EPHB2: variants seen among roughly 807,000 people sequenced by gnomAD.
EPHB2 encodes ephrin type-B receptor 2.
A neutral mutation model predicts 96.4 loss-of-function variants in EPHB2; 18 were observed. The ratio of observed to expected loss-of-function variants is 0.19; its 90% confidence interval spans 0.13 to 0.28. The LOEUF is 0.28. Among genes scored for constraint, EPHB2 ranks in the 10% least tolerant of loss-of-function variants. The pLI is 1.00. For missense variants in EPHB2, 989 were observed against 1,355.4 expected, an observed-to-expected ratio of 0.73 and a Z score of 4.25; for synonymous variants, 506 against 534.1, an observed-to-expected ratio of 0.95 and a Z score of 0.72.
At position 22,801,790 on chromosome 1, in the gene EPHB2, G is replaced by A. The variant is rs1273800745; in HGVS notation, c.811+16714G>A. 3.3e-5 allele frequency among the ~76,000 whole-genome samples: 5 copies of A among 152,062 alleles called. No individual in the cohort carries two copies. In the South Asian group the frequency reaches 6.2e-4, roughly 19 times the overall value. ...TCGTGGGGTCCCCTCCCGCCCCCTCGTGCTGCAGTCTTTGTGGCCCAGGAA... is the reference window on the plus strand; with the variant it reads ...TCGTGGGGTCCCCTCCCGCCCCCTCATGCTGCAGTCTTTGTGGCCCAGGAA... On this transcript the variant is annotated intron_variant, in intron 3 of 15. Transcript: ENST00000374630.
intron 3 of EPHB2, among the ~76,000 whole-genome samples, chr1:22,857,479 G>A (rs1474622514): frequency 6.6e-6 from 1 of 152,102 alleles, no homozygotes; most frequent in Non-Finnish European, 1.5e-5. Context: ...TGTCCAGGGA[G>A]CTGCAAGCAG....
intron 5 of EPHB2, among the ~76,000 whole-genome samples, chr1:22,871,293 C>T (rs1308672337): frequency 1.3e-5 from 2 of 152,208 alleles, no homozygotes; most frequent in African/African-American, 2.4e-5. Context: ...AGTCCATATG[C>T]TCCATCCATA....
At chr1:22,824,701 T>G (rs924890854) in intron 3 of EPHB2, among the ~76,000 whole-genome samples, 1 of 152,240 alleles carries the variant, frequency 6.6e-6, no homozygotes, top group East Asian at 1.9e-4. Flanking sequence ...AACAGCTAAT[T>G]AACATCTTGG....
intron 5 of EPHB2, among the ~76,000 whole-genome samples, chr1:22,878,863 A>G (rs1325552237): frequency 6.6e-6 from 1 of 152,206 alleles, no homozygotes; most frequent in Non-Finnish European, 1.5e-5. Context: ...GAGCGAGCAC[A>G]CCTGGCAGCA....
chr1:22,731,022 A>G (rs1643698214), intron 1 of EPHB2, among the ~76,000 whole-genome samples: 1 of 151,908 alleles, frequency 6.6e-6, no homozygotes, highest in African/African-American at 2.4e-5. Flanking sequence ...TGCCTCACAT[A>G]GTTTGGGGGA....
chr1:22,834,653 G>A (rs1018823311), intron 3 of EPHB2, among the ~76,000 whole-genome samples: 4 of 152,112 alleles, frequency 2.6e-5, no homozygotes, highest in Admixed American at 2.6e-4. Flanking sequence ...GGCCAGGCAC[G>A]GTGGCTCATG....
intron 1 of EPHB2, among the ~76,000 whole-genome samples, chr1:22,720,554 G>C (rs776288729): frequency 4.0e-5 from 6 of 151,782 alleles, no homozygotes; most frequent in Admixed American, 2.0e-4. Context: ...TGTTTAGTAG[G>C]GGGAGGAATT....
At chr1:22,724,475 A>G (rs1353931095) in intron 1 of EPHB2, among the ~76,000 whole-genome samples, 3 of 152,124 alleles carry the variant, frequency 2.0e-5, no homozygotes, top group Non-Finnish European at 1.5e-5. Flanking sequence ...TACTCCCCCT[A>G]TATTAGCTGC....
At position 22,879,250 on chromosome 1, in the gene EPHB2, G is replaced by A. The variant is rs578220343; in HGVS notation, c.1304-3109G>A. On this transcript the variant is annotated intron_variant, in intron 5 of 15. Transcript: ENST00000374630. ...AGTGGTCAGCCCCTGTGGGTTGGAT[G>A]AGAGGGGCAGAGAAGCTGTGGGGAG... Among the ~76,000 whole-genome samples, 183 of 152,324 alleles carry A rather than the reference G, an allele frequency of 1.2e-3. 3 individuals carry two copies. The South Asian group carries it at 0.037, about 31-fold the overall frequency.
rs16827692 is a variant in EPHB2 at position 22,869,840 on chromosome 1, T to A, written c.1303+4628T>A. Among the ~76,000 whole-genome samples, 1,147 of 152,348 alleles carry A rather than the reference T, an allele frequency of 7.5e-3. 14 individuals carry two copies. Among genetic ancestry groups the A allele is most frequent in the African/African-American group, 0.026 (1,074 of 41,576 alleles). On this transcript the variant is annotated intron_variant, in intron 5 of 15. Transcript: ENST00000374630. Reference sequence around the variant, plus strand: ...CTTCTAGTTCCCGTGGTTGAAATTTTACCTTGTGTCATTGATCATTTAGTT... The same window carrying A: ...CTTCTAGTTCCCGTGGTTGAAATTTAACCTTGTGTCATTGATCATTTAGTT...
chr1:22,760,654 G>A (rs954401294), intron 1 of EPHB2, among the ~76,000 whole-genome samples: 4 of 152,162 alleles, frequency 2.6e-5, no homozygotes, highest in Non-Finnish European at 4.4e-5. Flanking sequence ...GATATAACTC[G>A]GGGAGATGAG....
intron 3 of EPHB2, among the ~76,000 whole-genome samples, chr1:22,859,624 G>A (rs763923462): frequency 2.6e-5 from 4 of 151,932 alleles, no homozygotes; most frequent in Admixed American, 2.6e-4. Context: ...GTGAAACCCC[G>A]TGTCTACTAA....
rs1640197539 is a variant in EPHB2 at position 22,913,934 on chromosome 1, C to T, written c.*364C>T. 2 of 1,486,120 alleles carry T rather than the reference C, an allele frequency of 1.3e-6. No individual in the cohort carries two copies. The highest frequency in any genetic ancestry group is 5.2e-5 in the Admixed American group (2 of 38,718). The allele number at this position is 1,486,120 out of a possible 1,614,324, so 92.1% of individuals were successfully genotyped here. A position where few individuals can be genotyped will look rare whatever the true frequency, so the allele number is the denominator to read the frequency against. On this transcript the variant is annotated 3_prime_UTR_variant, in exon 16 of 16. Coordinates refer to ENST00000374630, the MANE Select transcript of EPHB2 (RefSeq NM_017449.5). The surrounding 1 kb of genome is among the most constrained non-coding windows in gnomAD (Gnocchi z 4.1). ...AGACAAAAGCAGTTTCTCTCCAACT[C>T]CCTCTGGGAAGGTGACCTGGCCAGA...
chr1:22,817,538 G>A (rs1397039908), intron 3 of EPHB2, among the ~76,000 whole-genome samples: 4 of 152,212 alleles, frequency 2.6e-5, no homozygotes, highest in African/African-American at 7.2e-5. Flanking sequence ...CAAATCAGGG[G>A]CCTTGTCTCC....
intron 1 of EPHB2, among the ~76,000 whole-genome samples, chr1:22,730,123 G>A (rs1037349916): frequency 6.6e-6 from 1 of 152,234 alleles, no homozygotes; most frequent in Non-Finnish European, 1.5e-5. Flanking sequence ...CCTGGCCTTG[G>A]GGAGCTCACA....
At chr1:22,881,737 G>A (rs905375964) in intron 5 of EPHB2, among the ~76,000 whole-genome samples, 3 of 152,142 alleles carry the variant, frequency 2.0e-5, no homozygotes, top group African/African-American at 7.2e-5. Context: ...GGGATTACAA[G>A]CATGCACCAC....
intron 3 of EPHB2, among the ~76,000 whole-genome samples, chr1:22,855,817 G>A (rs1252245705): frequency 6.6e-6 from 1 of 152,136 alleles, no homozygotes; most frequent in East Asian, 1.9e-4. Flanking sequence ...AGAAACTTAG[G>A]CACAGAGAGG....
chr1:22,754,046 G>A (rs1248703223), intron 1 of EPHB2, among the ~76,000 whole-genome samples: 1 of 152,192 alleles, frequency 6.6e-6, no homozygotes, highest in African/African-American at 2.4e-5. Flanking sequence ...TGGGGTTCCA[G>A]GCCGCTGTAA....
chr1:22,843,727 G>A (rs1645501666), intron 3 of EPHB2, among the ~76,000 whole-genome samples: 1 of 152,174 alleles, frequency 6.6e-6, no homozygotes, highest in Admixed American at 6.5e-5. Flanking sequence ...TTTTAATAGA[G>A]ACAGGGTTTT....
Sources: allele counts gnomAD v4.1 joint callset (sites outside exome capture counted in the v4.1 genomes callset), GRCh38; gene constraint gnomAD v4.1.1; non-coding constraint Gnocchi (gnomAD v3.1); transcripts MANE v1.5; gene names NCBI Gene and HGNC (gene_info 2026-07-23, HGNC 2026-07-21).